Variants in MSI2 observed in about 807,000 individuals in gnomAD.
MSI2 encodes musashi RNA binding protein 2, also known as RNA-binding protein Musashi homolog 2.
In MSI2, 17 loss-of-function variants were observed where a neutral mutation model predicts 45.6. The observed-to-expected ratio is 0.37, with a 90% CI of 0.26 to 0.56. The LOEUF (loss-of-function observed/expected upper bound fraction) is 0.56, where lower values mean the gene tolerates loss of function less well. Among genes scored for constraint, MSI2 ranks in the 20% least tolerant of loss-of-function variants. The pLI is 0.77. For missense variants in MSI2, 293 were observed against 444.2 expected (o/e 0.66, Z 3.06); for synonymous variants, 156 against 158.2 (o/e 0.99, Z 0.11).
At chr17:57,688,490 A>T (rs1913924438), downstream of MSI2, among the ~76,000 whole-genome samples, 1 of 152,196 alleles carries the variant, frequency 6.6e-6, no homozygotes, top group South Asian at 2.1e-4. Context: ...TTATGGACTG[A>T]AGTATCAATA....
chr17:57,624,173 C>T (rs1045556031), intron 9 of MSI2, among the ~76,000 whole-genome samples: 2 of 152,100 alleles, frequency 1.3e-5, no homozygotes, highest in African/African-American at 4.8e-5. Flanking sequence ...CACTTCCCAC[C>T]CTCCCTGAGG....
chr17:57,586,492 C>T (rs553898918), intron 7 of MSI2, among the ~76,000 whole-genome samples: 1 of 128,210 alleles, frequency 7.8e-6, no homozygotes, highest in South Asian at 2.7e-4. Context: ...GGGAGGTGCC[C>T]CCATCAGTTA....
chr17:57,529,597 A>AC lies in MSI2; in HGVS notation c.406-73dup, dbSNP rs2086779191. On this transcript the variant is annotated intron_variant, in intron 6 of 13. Coordinates refer to ENST00000284073, the MANE Select transcript of MSI2 (RefSeq NM_138962.4). This position sits in a 1 kb window ranked among gnomAD's most constrained non-coding sequence, Gnocchi z 5.3. Reference sequence around the variant, plus strand: ...CTTCTGTAATGGAAACTACCCCCTCACCCCCCGACATGCATATAATGTTTT... The same window carrying AC: ...CTTCTGTAATGGAAACTACCCCCTCACCCCCCCGACATGCATATAATGTTTT... 7 of 1,311,556 alleles carry AC rather than the reference A, an allele frequency of 5.3e-6. No homozygotes were observed. Among genetic ancestry groups the AC allele is most frequent in the East Asian group, 4.7e-5 (2 of 42,602 alleles). 81.2% of individuals were successfully genotyped at this position (1,311,556 alleles called of 1,614,324 possible). A position where few individuals can be genotyped will look rare whatever the true frequency, so the allele number is the denominator to read the frequency against.
At chr17:57,408,707 T>G (rs2084131549) in intron 6 of MSI2, among the ~76,000 whole-genome samples, 1 of 152,090 alleles carries the variant, frequency 6.6e-6, no homozygotes, top group African/African-American at 2.4e-5. Context: ...AATAAAGCCT[T>G]TTTCTCCCTA....
At chr17:57,264,489 A>C (rs1314927372) in intron 5 of MSI2, 2 of 152,210 alleles carry the variant, frequency 1.3e-5, no homozygotes, top group African/African-American at 2.4e-5. Context: ...CTGGGATTAT[A>C]GGCGTGAGCC....
intron 5 of MSI2, among the ~76,000 whole-genome samples, chr17:57,319,190 A>G (rs17821415): frequency 0.11 from 16,737 of 152,302 alleles, 932 homozygotes; most frequent in African/African-American, 0.12. Context: ...AAATAGTGCG[A>G]CAGGGGCGAA....
At chr17:57,580,763 G>C (rs1262388456) in intron 7 of MSI2, among the ~76,000 whole-genome samples, 1 of 152,136 alleles carries the variant, frequency 6.6e-6, no homozygotes, top group Non-Finnish European at 1.5e-5. Context: ...AACTAGGTGA[G>C]TTCAAATACA....
intron 10 of MSI2, among the ~76,000 whole-genome samples, chr17:57,646,077 A>G (rs2144667167): frequency 6.6e-6 from 1 of 152,324 alleles, no homozygotes; most frequent in Non-Finnish European, 1.5e-5. Context: ...CATCCACTGC[A>G]TCAGAGCATC....
chr17:57,273,481 T>C (rs1908558458), intron 5 of MSI2, among the ~76,000 whole-genome samples: 2 of 134,750 alleles, frequency 1.5e-5, no homozygotes, highest in South Asian at 2.4e-4. Flanking sequence ...TTTTTTTTTT[T>C]CTTTTACTGG....
At chr17:57,257,848 T>C (rs1370662423) in intron 3 of MSI2, among the ~76,000 whole-genome samples, 1 of 152,146 alleles carries the variant, frequency 6.6e-6, no homozygotes, top group Non-Finnish European at 1.5e-5. Context: ...GTTTTTTTTT[T>C]TCTTTTGATC....
rs148694332 is a variant in MSI2 at position 57,485,648 on chromosome 17, G to A, written c.406-44028G>A. On this transcript the variant is annotated intron_variant, in intron 6 of 13. Transcript: ENST00000284073. ...CTTCACGGAGCCTTTGATATGTAGTGATGAGCTTCCTGAATCTTGATCTGC... is the reference window on the plus strand; with the variant it reads ...CTTCACGGAGCCTTTGATATGTAGTAATGAGCTTCCTGAATCTTGATCTGC... Among the ~76,000 whole-genome samples, 522 of 152,326 alleles carry A rather than the reference G, an allele frequency of 3.4e-3. 3 individuals carry two copies. Among genetic ancestry groups the A allele is most frequent in the Middle Eastern group, 0.024 (7 of 294 alleles).
chr17:57,267,408 G>A (rs1230358910), intron 5 of MSI2: 1 of 152,056 alleles, frequency 6.6e-6, no homozygotes, highest in East Asian at 1.9e-4. Flanking sequence ...CATTGTTGAG[G>A]TCAGTCTCCT....
intron 5 of MSI2, among the ~76,000 whole-genome samples, chr17:57,276,335 T>A (rs1004486068): frequency 6.6e-6 from 1 of 152,194 alleles, no homozygotes. Context: ...AAAAGAAAAT[T>A]GGAGACTCCC....
At chr17:57,498,856 G>A (rs2086036431) in intron 6 of MSI2, among the ~76,000 whole-genome samples, 1 of 151,522 alleles carries the variant, frequency 6.6e-6, no homozygotes, top group South Asian at 2.1e-4. Flanking sequence ...CCATGTTGGT[G>A]TGCTGCACCC....
In MSI2 at chr17:57,678,308, C is replaced by G. The variant is rs371174108; in HGVS notation, c.*32-1241C>G. Among the ~76,000 whole-genome samples, 6 of 152,354 alleles carry G rather than the reference C, an allele frequency of 3.9e-5. No homozygotes were observed. In the East Asian group the frequency reaches 1.2e-3, roughly 29 times the overall value. Reference sequence around the variant, plus strand: ...GTGTGAATTCTCCCACCCCTCGCCTCCACTTCCCCTTGAGCACTGACCCAG... The same window carrying G: ...GTGTGAATTCTCCCACCCCTCGCCTGCACTTCCCCTTGAGCACTGACCCAG... On this transcript the variant is annotated intron_variant, in intron 13 of 13. Transcript: ENST00000284073.
rs1330705211 is a variant in MSI2 at position 57,675,068 on chromosome 17, G to A, written c.887G>A (p.Gly296Glu). 3 of 1,613,966 alleles carry A rather than the reference G, an allele frequency of 1.9e-6. No homozygotes were observed. The highest frequency in any genetic ancestry group is 2.5e-6 in the Non-Finnish European group (3 of 1,180,014). Residue 296 changes from glycine to glutamate, a missense_variant, in exon 12 of 14, where the codon GGG becomes GAG. Gly to Glu is a moderately conservative substitution (Grantham distance 98). Coordinates refer to ENST00000284073, the MANE Select transcript of MSI2 (RefSeq NM_138962.4). ...YGPASQDSGV[G>E]NYISAASPQP... ...CCTGCCAGCCAGGACTCCGGAGTGG[G>A]GAATTACATAAGTGCGGCCAGCCCA...
chr17:57,454,807 G>A (rs536755118), intron 6 of MSI2, among the ~76,000 whole-genome samples: 4 of 152,332 alleles, frequency 2.6e-5, no homozygotes, highest in Non-Finnish European at 5.9e-5. Flanking sequence ...TAGGCAAGTA[G>A]TCCATGTGGC....
chr17:57,301,461 C>T (rs1911413922), intron 5 of MSI2, among the ~76,000 whole-genome samples: 2 of 152,216 alleles, frequency 1.3e-5, no homozygotes, highest in African/African-American at 2.4e-5. Flanking sequence ...ACATAGTCAC[C>T]ATCCGGCTTA....
intron 6 of MSI2, among the ~76,000 whole-genome samples, chr17:57,434,799 T>C (rs974294131): frequency 6.6e-6 from 1 of 152,098 alleles, no homozygotes; most frequent in African/African-American, 2.4e-5. Flanking sequence ...TTTATCCATT[T>C]ACCCATCGAT....
Sources: gnomAD v4.1 joint callset for allele counts (sites outside exome capture counted in the v4.1 genomes callset) on GRCh38, gnomAD v4.1.1 for gene constraint, Gnocchi (gnomAD v3.1) non-coding constraint, MANE v1.5 for transcripts, NCBI Gene and HGNC (gene_info 2026-07-23, HGNC 2026-07-21) for gene names.